The following CYB5R3 variants were observed in gnomAD, a reference collection of about 807,000 sequenced individuals.
The protein encoded by CYB5R3 is cytochrome b5 reductase 3.
In CYB5R3, 28 loss-of-function variants were observed where a neutral mutation model predicts 36.5. That is an observed-to-expected ratio of 0.77 (90% CI 0.57 to 1.05). CYB5R3 has a LOEUF of 1.05. CYB5R3 is among the 50% of genes least tolerant of loss of function. The pLI is 0.00. For missense variants in CYB5R3, 474 were observed against 408.9 expected (o/e 1.16, Z -1.37); for synonymous variants, 181 against 159.8 (o/e 1.13, Z -1.00).
chr22:42,639,489 A>G (rs1296443278), intron 1 of CYB5R3, among the ~76,000 whole-genome samples: 3 of 151,648 alleles, frequency 2.0e-5, no homozygotes, highest in East Asian at 2.0e-4. Context: ...TTAGCCAGGT[A>G]TGGTAGCGGG....
chr22:42,646,214 C>G (rs557985095), intron 1 of CYB5R3, among the ~76,000 whole-genome samples: 1 of 152,302 alleles, frequency 6.6e-6, no homozygotes, highest in Admixed American at 6.5e-5. Context: ...CACACTCACA[C>G]ACACACTCAC....
At position 42,628,219 on chromosome 22, in the gene CYB5R3, C is replaced by T. The variant is rs1037098608; in HGVS notation, c.396G>A (p.Glu132=). ...CAATGGTGTCTCCAATCTGCATGCT[C>T]TCCAGGTACTGAGACATCTTCCCTC... is the stretch of plus-strand genomic sequence containing the variant. ...PAGGKMSQYL[E]SMQIGDTIEF... is the part of the protein sequence containing the mutation. Residue 132 remains glutamate (E), a synonymous_variant, in exon 5 of 9, where the codon GAG becomes GAA. Coordinates refer to ENST00000352397, the MANE Select transcript of CYB5R3 (RefSeq NM_000398.7). The T allele has an allele frequency of 1.2e-6, 2 of 1,614,132 alleles. No homozygotes were observed. The highest frequency in any genetic ancestry group is 1.7e-6 in the Non-Finnish European group (2 of 1,180,000).
rs573516374 is a variant in CYB5R3, at chr22:42,627,402, C to T, written c.548-13G>A. 112 of 1,612,788 alleles carry T rather than the reference C, an allele frequency of 6.9e-5. No homozygotes were observed. Among genetic ancestry groups the T allele is most frequent in the Admixed American group, 2.2e-4 (13 of 59,960 alleles). ...ATCGGGGTGATGCCTGCAAAATAGC[C>T]GGCCGGGCCTCGCACGTGCTGAGCG... On this transcript the variant is annotated splice_polypyrimidine_tract_variant and intron_variant, in intron 6 of 8. Transcript: ENST00000352397.
At position 42,628,168 on chromosome 22, in the gene CYB5R3, C is replaced by T. The variant is rs754202932; in HGVS notation, c.447G>A (p.Leu149=). The T allele has an allele frequency of 8.1e-6, 13 of 1,613,974 alleles. No individual in the cohort carries two copies. The highest frequency in any genetic ancestry group is 8.5e-6 in the Non-Finnish European group (10 of 1,179,988). ...TIEFRGPSGL[L]VYQGKGKFAI... ...CCGAATCACCTTTGCCCTGGTAGAC[C>T]AGCAGCCCACTGGGGCCCCGGAACT... Residue 149 remains leucine (L), a synonymous_variant, in exon 5 of 9, where the codon CTG becomes CTA. Transcript: ENST00000352397.
intron 8 of CYB5R3, among the ~76,000 whole-genome samples, chr22:42,623,194 G>A (rs73173089): frequency 6.6e-6 from 1 of 152,202 alleles, no homozygotes; most frequent in South Asian, 2.1e-4. Flanking sequence ...ATCTGAAGCC[G>A]AAAAGGGAAG....
intron 7 of CYB5R3, among the ~76,000 whole-genome samples, chr22:42,626,442 C>A (rs184061009): frequency 1.1e-4 from 16 of 152,306 alleles, no homozygotes; most frequent in Admixed American, 5.2e-4. Context: ...GCCCTCGCTA[C>A]CAGCTGCAAA....
At position 42,640,146 on chromosome 22, in the gene CYB5R3, A is replaced by G. The variant is rs368882948; in HGVS notation, c.22-3300T>C. ...TCTGAATAGCTCTAGGGATCTCAGC[A>G]GGGGTGGGAGGAACCAGCTCAACCG... is the stretch of plus-strand genomic sequence containing the variant. On this transcript the variant is annotated intron_variant, in intron 1 of 8. Transcript: ENST00000352397. 12 of 1,613,504 alleles carry G rather than the reference A, an allele frequency of 7.4e-6. No individual in the cohort carries two copies. The African/African-American group carries it at 1.6e-4, about 22-fold the overall frequency.
intron 1 of CYB5R3, among the ~76,000 whole-genome samples, chr22:42,645,372 C>T (rs1001025127): frequency 5.9e-5 from 9 of 152,222 alleles, no homozygotes; most frequent in Admixed American, 5.9e-4. Flanking sequence ...AGCCCAGACT[C>T]CTGGATGAGG....
chr22:42,634,523 T>A (rs1359798085), intron 2 of CYB5R3, among the ~76,000 whole-genome samples: 5 of 151,380 alleles, frequency 3.3e-5, no homozygotes, highest in Non-Finnish European at 1.5e-5. Flanking sequence ...CTTGGCTCAC[T>A]GCAACCTCTG....
intron 1 of CYB5R3, among the ~76,000 whole-genome samples, chr22:42,647,301 G>C (rs1040053481): frequency 3.3e-5 from 5 of 152,186 alleles, no homozygotes; most frequent in African/African-American, 1.2e-4. Context: ...ACAGAGGACT[G>C]CTCAGCCATT....
chr22:42,627,018 C>T (rs1928303486), intron 7 of CYB5R3, among the ~76,000 whole-genome samples: 1 of 152,200 alleles, frequency 6.6e-6, no homozygotes, highest in Admixed American at 6.5e-5. Context: ...ACACCGTGCT[C>T]ATGGTGAAGG....
At chr22:42,633,727 G>C (rs994581746) in intron 2 of CYB5R3, among the ~76,000 whole-genome samples, 3 of 152,210 alleles carry the variant, frequency 2.0e-5, no homozygotes, top group African/African-American at 7.2e-5. Flanking sequence ...AGGTTGCGGT[G>C]AGTCGAGATT....
intron 1 of CYB5R3, among the ~76,000 whole-genome samples, chr22:42,648,331 C>A (rs1929621312): frequency 6.6e-6 from 1 of 152,244 alleles, no homozygotes; most frequent in Admixed American, 6.5e-5. Context: ...CTGTGCCAGC[C>A]TCCCCACGCC....
intron 8 of CYB5R3, among the ~76,000 whole-genome samples, chr22:42,622,978 C>G (rs1601928768): frequency 6.6e-6 from 1 of 152,254 alleles, no homozygotes; most frequent in Non-Finnish European, 1.5e-5. Context: ...CCACACAGGG[C>G]TATACTCCAC....
intron 2 of CYB5R3, among the ~76,000 whole-genome samples, chr22:42,635,849 T>C (rs1458406448): frequency 2.0e-5 from 3 of 152,100 alleles, no homozygotes; most frequent in South Asian, 2.1e-4. Context: ...AAGTGACCGA[T>C]GGAAGCAGCC....
At chr22:42,626,652 G>A (rs1226054869) in intron 7 of CYB5R3, among the ~76,000 whole-genome samples, 1 of 152,220 alleles carries the variant, frequency 6.6e-6, no homozygotes, top group South Asian at 2.1e-4. Flanking sequence ...GTGGGGCAAG[G>A]ACCCACATCC....
At chr22:42,631,142 C>T in intron 3 of CYB5R3, 154 bp from the exon 4 acceptor site, 10 of 809,608 alleles carry the variant, frequency 1.2e-5, no homozygotes, top group South Asian at 1.1e-4. Context: ...GGGGATTCCC[C>T]TCACGTCCCA....
At position 42,630,925 on chromosome 22, in the gene CYB5R3, A is replaced by G. The variant is rs773257371; in HGVS notation, c.290T>C (p.Ile97Thr). The G allele has an allele frequency of 1.9e-6, 3 of 1,613,936 alleles. No homozygotes were observed. Among genetic ancestry groups the G allele is most frequent in the Non-Finnish European group, 2.5e-6 (3 of 1,179,944 alleles). The change falls in exon 4 of 9, where the codon ATC becomes ACC. Residue 97 changes from isoleucine to threonine, a missense_variant. By Grantham distance (89) the Ile-to-Thr change is moderately conservative. Transcript: ENST00000352397. ...GNLVVRPYTP[I>T]SSDDDKGFVD... ...GAAGCCCTTGTCATCATCGCTGGAGATGGGTGTATAGGGCCGGACGACCAG... is the reference window on the plus strand; with the variant it reads ...GAAGCCCTTGTCATCATCGCTGGAGGTGGGTGTATAGGGCCGGACGACCAG...
intron 3 of CYB5R3, 144 bp from the exon 4 acceptor site, chr22:42,631,132 G>C (rs8190430): frequency 1.2e-6 from 1 of 825,748 alleles, no homozygotes; most frequent in South Asian, 1.5e-5. Context: ...CACCCCTCCC[G>C]GGGATTCCCC....
Sources: gnomAD v4.1 joint callset for allele counts (sites outside exome capture counted in the v4.1 genomes callset) on GRCh38, gnomAD v4.1.1 for gene constraint, MANE v1.5 for transcripts, NCBI Gene and HGNC (gene_info 2026-07-23, HGNC 2026-07-21) for gene names.